PPP3CC: variants seen among roughly 807,000 people sequenced by gnomAD.
The protein encoded by PPP3CC is protein phosphatase 3 catalytic subunit gamma.
A neutral mutation model predicts 60.3 loss-of-function variants in PPP3CC; 35 were observed. That is an observed-to-expected ratio of 0.58 (90% CI 0.44 to 0.77). The LOEUF is 0.77. PPP3CC is among the 30% of genes least tolerant of loss of function. PPP3CC has a pLI of 0.00. For synonymous variants in PPP3CC, 206 were observed against 224.3 expected, an observed-to-expected ratio of 0.92 and a Z score of 0.73; for missense variants, 570 against 628.9, an observed-to-expected ratio of 0.91 and a Z score of 1.00.
intron 4 of PPP3CC, among the ~76,000 whole-genome samples, chr8:22,508,479 C>A (rs1457446571): frequency 6.6e-6 from 1 of 152,062 alleles, no homozygotes; most frequent in Non-Finnish European, 1.5e-5. Flanking sequence ...ATTAATATAA[C>A]ATGAACTTCT....
intron 1 of PPP3CC, among the ~76,000 whole-genome samples, chr8:22,466,456 G>A (rs1176085099): frequency 6.6e-6 from 1 of 152,050 alleles, no homozygotes; most frequent in African/African-American, 2.4e-5. Context: ...CCCACCAACG[G>A]TGTATTTCTC....
At chr8:22,537,237 A>C (rs188584986) in intron 12 of PPP3CC, among the ~76,000 whole-genome samples, 1 of 152,382 alleles carries the variant, frequency 6.6e-6, no homozygotes, top group East Asian at 1.9e-4. Flanking sequence ...AAGACAACCC[A>C]GTTAAAAATG....
At chr8:22,460,281 A>T (rs76619977) in intron 1 of PPP3CC, among the ~76,000 whole-genome samples, 2,450 of 152,274 alleles carry the variant, frequency 0.016, 62 homozygotes, top group African/African-American at 0.056. Flanking sequence ...TACAATCAAT[A>T]CTTGATACTA....
intron 1 of PPP3CC, among the ~76,000 whole-genome samples, chr8:22,446,805 CAAAAAAA>C (rs34407184): frequency 1.9e-3 from 41 of 21,954 alleles, no homozygotes; most frequent in Non-Finnish European, 4.6e-3. Flanking sequence ...GACTCTGTCT[CAAAAAAA>C]AAAAAAAAAA....
intron 3 of PPP3CC, among the ~76,000 whole-genome samples, chr8:22,479,743 CAAA>C (rs76119074): frequency 1.3e-4 from 7 of 54,252 alleles, no homozygotes; most frequent in Admixed American, 2.1e-4. Context: ...GACTCTGTCT[CAAA>C]AAAAAAAAAA....
chr8:22,463,549 G>A (rs1401786590), intron 1 of PPP3CC, among the ~76,000 whole-genome samples: 1 of 152,172 alleles, frequency 6.6e-6, no homozygotes, highest in Non-Finnish European at 1.5e-5. Context: ...TATCAGAATG[G>A]AAGGGAGTGG....
intron 1 of PPP3CC, among the ~76,000 whole-genome samples, chr8:22,448,043 T>C (rs748034073): frequency 6.6e-6 from 1 of 152,238 alleles, no homozygotes; most frequent in South Asian, 2.1e-4. Flanking sequence ...CTGAGAAATA[T>C]TTGAAGAATT....
chr8:22,445,034 G>C (rs911662448), intron 1 of PPP3CC, among the ~76,000 whole-genome samples: 1 of 152,100 alleles, frequency 6.6e-6, no homozygotes, highest in African/African-American at 2.4e-5. Context: ...TTACTTTATG[G>C]CCAGATGGGG....
intron 3 of PPP3CC, among the ~76,000 whole-genome samples, chr8:22,488,956 G>A (rs1838302015): frequency 6.6e-6 from 1 of 152,174 alleles, no homozygotes; most frequent in South Asian, 2.1e-4. Context: ...AGAGAGTGGG[G>A]CAGATAGATG....
chr8:22,515,895 C>CT (rs1380786080), intron 6 of PPP3CC, among the ~76,000 whole-genome samples: 7 of 150,010 alleles, frequency 4.7e-5, no homozygotes, highest in Admixed American at 2.7e-4. Flanking sequence ...AGTAAAAAGT[C>CT]TTTTTTTCTT....
intron 1 of PPP3CC, among the ~76,000 whole-genome samples, chr8:22,451,924 T>C (rs1421121886): frequency 6.6e-6 from 1 of 152,192 alleles, no homozygotes; most frequent in Non-Finnish European, 1.5e-5. Context: ...GAAATTGAAA[T>C]GCTTCTGGTC....
At chr8:22,533,804 G>A (rs545596919) in intron 12 of PPP3CC, among the ~76,000 whole-genome samples, 8 of 151,506 alleles carry the variant, frequency 5.3e-5, no homozygotes, top group Non-Finnish European at 7.4e-5. Flanking sequence ...CAGCCTGGGC[G>A]ACAGAGTGAG....
chr8:22,492,336 T>C (rs1238409682), intron 3 of PPP3CC, among the ~76,000 whole-genome samples: 1 of 152,082 alleles, frequency 6.6e-6, no homozygotes. Context: ...AATCAGTGAA[T>C]GATGAGTGAA....
At chr8:22,535,775 A>T (rs1839831826) in intron 12 of PPP3CC, among the ~76,000 whole-genome samples, 1 of 152,202 alleles carries the variant, frequency 6.6e-6, no homozygotes, top group Non-Finnish European at 1.5e-5. Flanking sequence ...TCTGTTGCCC[A>T]CGCTGGAGTG....
Position 22,441,374 on chromosome 8 carries a change from G to C in PPP3CC, c.-36G>C. The C allele has an allele frequency of 6.6e-7, 1 of 1,517,422 alleles. No individual in the cohort carries two copies. Among genetic ancestry groups the C allele is most frequent in the Non-Finnish European group, 8.8e-7 (1 of 1,134,288 alleles). 94.0% of individuals were successfully genotyped at this position (1,517,422 alleles called of 1,614,324 possible). A position where few individuals can be genotyped will look rare whatever the true frequency, so the allele number is the denominator to read the frequency against. On this transcript the variant is annotated 5_prime_UTR_variant, in exon 1 of 14. Transcript: ENST00000240139. ...CGGCCGCGGCGTAGGCGCACGTCCG[G>C]CGGGCTCCTGGAGCCTGGAGGAGGC...
intron 6 of PPP3CC, among the ~76,000 whole-genome samples, chr8:22,516,560 C>T (rs1002612428): frequency 1.8e-4 from 28 of 152,148 alleles, no homozygotes; most frequent in African/African-American, 6.5e-4. Context: ...TCAGTACTTA[C>T]AGAGGTTTCA....
At chr8:22,457,163 A>G (rs945155458) in intron 1 of PPP3CC, among the ~76,000 whole-genome samples, 2 of 150,186 alleles carry the variant, frequency 1.3e-5, no homozygotes, top group African/African-American at 2.5e-5. Context: ...TTAAAAATAT[A>G]CAGCATATTA....
At chr8:22,451,854 G>T (rs959162982) in intron 1 of PPP3CC, among the ~76,000 whole-genome samples, 2 of 152,060 alleles carry the variant, frequency 1.3e-5, no homozygotes, top group East Asian at 1.9e-4. Context: ...TTGGACTTGG[G>T]TTCCATTCCC....
rs373711430 is a variant in PPP3CC, at chr8:22,447,603, C to T, written c.49+6145C>T. The stretch of plus-strand genomic sequence containing the variant: ...AAAGTGCTGGGATTACGGTGTGAGC[C>T]ACTGCGCCCTGCCTTTTATAGTCTT... On this transcript the variant is annotated intron_variant, in intron 1 of 13. Coordinates refer to ENST00000240139, the MANE Select transcript of PPP3CC (RefSeq NM_005605.5). 1.2e-4 allele frequency among the ~76,000 whole-genome samples: 19 copies of T among 152,204 alleles called. No individual in the cohort carries two copies. In the South Asian group the frequency reaches 1.9e-3, roughly 15 times the overall value.
Sources: allele counts gnomAD v4.1 joint callset (sites outside exome capture counted in the v4.1 genomes callset), GRCh38; gene constraint gnomAD v4.1.1; transcripts MANE v1.5; gene names NCBI Gene and HGNC (gene_info 2026-07-23, HGNC 2026-07-21).